Variants in PCDHGB5 observed in about 807,000 individuals in gnomAD.
The protein encoded by PCDHGB5 is protocadherin gamma-B5.
A neutral mutation model predicts 62.9 loss-of-function variants in PCDHGB5; 48 were observed. The observed-to-expected ratio is 0.76, with a 90% CI of 0.61 to 0.97. The LOEUF is 0.97. Ranked by LOEUF, PCDHGB5 falls within the 50% of genes least tolerant of loss-of-function variation. The pLI is 0.00. For synonymous variants in PCDHGB5, 474 were observed against 511.2 expected, an observed-to-expected ratio of 0.93 and a Z score of 0.98; for missense variants, 1,118 against 1,198.6, an observed-to-expected ratio of 0.93 and a Z score of 0.99.
At chr5:141,463,108 T>G (rs1212278355) in intron 1 of PCDHGB5, among the ~76,000 whole-genome samples, 1 of 152,202 alleles carries the variant, frequency 6.6e-6, no homozygotes, top group Non-Finnish European at 1.5e-5. Flanking sequence ...CATCAAGAAT[T>G]CAGCTAATAG....
Position 141,490,849 on chromosome 5 carries a change from C to A in PCDHGB5, c.2398-3958C>A, listed in dbSNP as rs200640560. The A allele has an allele frequency of 6.2e-7, 1 of 1,613,748 alleles. No individual in the cohort carries two copies. Among genetic ancestry groups the A allele is most frequent in the Non-Finnish European group, 8.5e-7 (1 of 1,179,862 alleles). On this transcript the variant is annotated intron_variant, in intron 1 of 3. Coordinates refer to ENST00000617380, the MANE Select transcript of PCDHGB5 (RefSeq NM_018925.3). This position sits in a 1 kb window ranked among gnomAD's most constrained non-coding sequence, Gnocchi z 5.4. ...GATGCTGCAGATTGTGGTGGGGGTT[C>A]GAGACTCCGGCTCTCCCCCATTGCA...
rs760747309 is a variant in PCDHGB5, at chr5:141,477,613, A to G, written c.2398-17194A>G. 1.2e-6 allele frequency: 2 copies of G among 1,614,210 alleles called. No individual in the cohort carries two copies. Among genetic ancestry groups the G allele is most frequent in the Non-Finnish European group, 8.5e-7 (1 of 1,180,044 alleles). ...GGCTTTCTTTCTTTCTCTTGGAGCA[A>G]GGAGCTGAAACCGGGCTAGTGGGTC... On this transcript the variant is annotated intron_variant, in intron 1 of 3. Coordinates refer to ENST00000617380, the MANE Select transcript of PCDHGB5 (RefSeq NM_018925.3). This position sits in a 1 kb window ranked among gnomAD's most constrained non-coding sequence, Gnocchi z 4.9.
At chr5:141,437,338 C>T (rs1328789308) in intron 1 of PCDHGB5, among the ~76,000 whole-genome samples, 1 of 152,196 alleles carries the variant, frequency 6.6e-6, no homozygotes, top group Non-Finnish European at 1.5e-5. Flanking sequence ...TGTAGCTTCA[C>T]TGTTTTATAG....
At chr5:141,450,565 C>T (rs1024229182) in intron 1 of PCDHGB5, among the ~76,000 whole-genome samples, 2 of 152,016 alleles carry the variant, frequency 1.3e-5, no homozygotes, top group Non-Finnish European at 2.9e-5. Context: ...CGGCTCACTG[C>T]AACTTCTGCC....
At chr5:141,422,762 C>T in intron 1 of PCDHGB5, 1 of 1,613,392 alleles carries the variant, frequency 6.2e-7, no homozygotes. Flanking sequence ...AACTCCAACA[C>T]TGGTGTTCTC....
intron 3 of PCDHGB5, among the ~76,000 whole-genome samples, chr5:141,505,861 C>A (rs115699706): frequency 0.034 from 5,102 of 152,242 alleles, 131 homozygotes; most frequent in Admixed American, 0.057. Flanking sequence ...GGGACAGGGA[C>A]CCCAAAGGGT....
intron 1 of PCDHGB5, chr5:141,409,997 G>C: frequency 1.2e-6 from 2 of 1,613,224 alleles, no homozygotes; most frequent in South Asian, 2.2e-5. Context: ...CGCCGACTCG[G>C]GACACAACGC....
chr5:141,489,359 AG>A lies in PCDHGB5; in HGVS notation c.2398-5447del. On this transcript the variant is annotated intron_variant, in intron 1 of 3. Coordinates refer to ENST00000617380, the MANE Select transcript of PCDHGB5 (RefSeq NM_018925.3). The surrounding 1 kb of genome is among the most constrained non-coding windows in gnomAD (Gnocchi z 4.5). ...CGTTACTCAGTGGTGGAGGAGTCTG[AG>A]CCGGGGACGCTGGTGGGGAATGTTG... 1 of 1,613,110 alleles carries A rather than the reference AG, an allele frequency of 6.2e-7. No homozygotes were observed. The highest frequency in any genetic ancestry group is 1.1e-5 in the South Asian group (1 of 90,984).
chr5:141,505,294 G>A, intron 2 of PCDHGB5, 99 bp from the exon 3 acceptor site: 1 of 1,572,086 alleles, frequency 6.4e-7, no homozygotes, highest in Non-Finnish European at 8.6e-7. Flanking sequence ...GCATGGGGTA[G>A]GGTTAGGGTA....
chr5:141,422,074 C>T (rs886758924), intron 1 of PCDHGB5: 8 of 1,612,146 alleles, frequency 5.0e-6, no homozygotes, highest in African/African-American at 4.0e-5. Context: ...GTATTCATTT[C>T]GGAACATGGA....
intron 1 of PCDHGB5, chr5:141,408,952 T>C (rs531696982): frequency 6.2e-7 from 1 of 1,613,544 alleles, no homozygotes; most frequent in African/African-American, 1.3e-5. Context: ...ATAGAATTAG[T>C]CTTAGTGAAA....
chr5:141,452,791 C>T (rs1202677389), intron 1 of PCDHGB5, among the ~76,000 whole-genome samples: 2 of 152,156 alleles, frequency 1.3e-5, no homozygotes, highest in Non-Finnish European at 2.9e-5. Context: ...AACATACCAT[C>T]ATTTTTGCTG....
chr5:141,478,392 A>G, intron 1 of PCDHGB5: 1 of 1,613,560 alleles, frequency 6.2e-7, no homozygotes, highest in Non-Finnish European at 8.5e-7. Context: ...CTTTACCATC[A>G]GGTGTATCTC....
At position 141,487,074 on chromosome 5, in the gene PCDHGB5, T is replaced by C; in HGVS notation, c.2398-7733T>C. The C allele has an allele frequency of 6.2e-7, 1 of 1,614,104 alleles. No homozygotes were observed. The highest frequency in any genetic ancestry group is 8.5e-7 in the Non-Finnish European group (1 of 1,179,978). Reference sequence around the variant, plus strand: ...GGGGAGGTGCGGACGGCTGTTCCTATCCCAGCTGACCTCCCACCACAGAAG... The same window carrying C: ...GGGGAGGTGCGGACGGCTGTTCCTACCCCAGCTGACCTCCCACCACAGAAG... On this transcript the variant is annotated intron_variant, in intron 1 of 3. Transcript: ENST00000617380. The surrounding 1 kb of genome is among the most constrained non-coding windows in gnomAD (Gnocchi z 5.0).
At position 141,505,514 on chromosome 5, in the gene PCDHGB5, G is replaced by A. The variant is rs758026551; in HGVS notation, c.2545+33G>A. The A allele has an allele frequency of 1.2e-5, 20 of 1,613,682 alleles. No homozygotes were observed. The South Asian group carries it at 1.8e-4, about 14-fold the overall frequency. ...GTGTCAGTGTGTGTATGGAAGAGTGGGAGACCTGGGGTTCTGGGGTGCATC... is the reference window on the plus strand; with the variant it reads ...GTGTCAGTGTGTGTATGGAAGAGTGAGAGACCTGGGGTTCTGGGGTGCATC... On this transcript the variant is annotated intron_variant, in intron 3 of 3. Transcript: ENST00000617380.
intron 1 of PCDHGB5, among the ~76,000 whole-genome samples, chr5:141,401,408 A>G (rs943963302): frequency 6.6e-6 from 1 of 152,200 alleles, no homozygotes; most frequent in Non-Finnish European, 1.5e-5. Flanking sequence ...TATGAGAGAG[A>G]AAGAGAGAGA....
At chr5:141,472,980 CAAA>C (rs60579131) in intron 1 of PCDHGB5, among the ~76,000 whole-genome samples, 10 of 86,092 alleles carry the variant, frequency 1.2e-4, no homozygotes, top group Non-Finnish European at 1.2e-4. Context: ...GAGTGAAACT[CAAA>C]AAAAAAAAAA....
At chr5:141,483,584 T>C (rs2099583159) in intron 1 of PCDHGB5, among the ~76,000 whole-genome samples, 1 of 152,064 alleles carries the variant, frequency 6.6e-6, no homozygotes, top group African/African-American at 2.4e-5. Context: ...CATAAACACC[T>C]AATAGGTCAG....
chr5:141,437,331 A>T (rs2097876062), intron 1 of PCDHGB5, among the ~76,000 whole-genome samples: 1 of 152,244 alleles, frequency 6.6e-6, no homozygotes, highest in South Asian at 2.1e-4. Context: ...TAAAATTTGT[A>T]GCTTCACTGT....
Sources: allele counts gnomAD v4.1 joint callset (sites outside exome capture counted in the v4.1 genomes callset), GRCh38; gene constraint gnomAD v4.1.1; non-coding constraint Gnocchi (gnomAD v3.1); transcripts MANE v1.5; gene names NCBI Gene and HGNC (gene_info 2026-07-23, HGNC 2026-07-21).